Variants in ABCC1 observed in about 807,000 individuals in gnomAD.
ABCC1 encodes multidrug resistance-associated protein 1.
A neutral mutation model predicts 172.9 loss-of-function variants in ABCC1; 83 were observed. That is an observed-to-expected ratio of 0.48 (90% CI 0.40 to 0.58). The LOEUF (loss-of-function observed/expected upper bound fraction) is 0.58. ABCC1 is among the 20% of genes least tolerant of loss of function. The pLI is 0.00. For missense variants in ABCC1, 1,817 were observed against 2,002.7 expected (o/e 0.91, Z 1.77); for synonymous variants, 937 against 825.2 (o/e 1.14, Z -2.32).
intron 17 of ABCC1, among the ~76,000 whole-genome samples, chr16:16,084,452 C>G (rs2050930829): frequency 6.6e-6 from 1 of 150,448 alleles, no homozygotes; most frequent in African/African-American, 2.5e-5. Flanking sequence ...CAACCTCTGC[C>G]TCCTGAGTTC....
chr16:16,117,960 C>T (rs1379763423), intron 23 of ABCC1, among the ~76,000 whole-genome samples: 5 of 152,130 alleles, frequency 3.3e-5, no homozygotes, highest in African/African-American at 9.7e-5. Flanking sequence ...GGCAGTCAGT[C>T]GTCTCTGCTG....
At chr16:15,954,420 TG>T (rs1244749600) in intron 1 of ABCC1, among the ~76,000 whole-genome samples, 1 of 152,166 alleles carries the variant, frequency 6.6e-6, no homozygotes, top group South Asian at 2.1e-4. Flanking sequence ...TGTCAGATCT[TG>T]GGGGGCCCTC....
intron 26 of ABCC1, among the ~76,000 whole-genome samples, chr16:16,131,237 C>T (rs759460510): frequency 6.6e-6 from 1 of 152,188 alleles, no homozygotes; most frequent in South Asian, 2.1e-4. Context: ...GTCCATTGAG[C>T]CATTATCTGT....
chr16:15,968,195 C>T (rs1041045193), intron 1 of ABCC1, among the ~76,000 whole-genome samples: 6 of 151,932 alleles, frequency 3.9e-5, no homozygotes, highest in South Asian at 2.1e-4. Context: ...CCACCATGCC[C>T]GGCTAATTTT....
chr16:16,109,116 C>T (rs2052275828), intron 21 of ABCC1, among the ~76,000 whole-genome samples: 1 of 152,200 alleles, frequency 6.6e-6, no homozygotes, highest in Non-Finnish European at 1.5e-5. Context: ...GCCAGTTACA[C>T]ATCAGACCTG....
intron 14 of ABCC1, among the ~76,000 whole-genome samples, chr16:16,074,002 A>G (rs1282274884): frequency 6.6e-6 from 1 of 152,184 alleles, no homozygotes; most frequent in Admixed American, 6.5e-5. Flanking sequence ...TGCATAGAAG[A>G]TGATAAACAG....
rs921951653 is a variant in ABCC1 at position 16,029,442 on chromosome 16, C to T, written c.616-3667C>T. Among the ~76,000 whole-genome samples, 4 of 152,076 alleles carry T rather than the reference C, an allele frequency of 2.6e-5. No homozygotes were observed. The East Asian group carries it at 5.8e-4, about 22-fold the overall frequency. On this transcript the variant is annotated intron_variant, in intron 5 of 30. Transcript: ENST00000399410. ...CTTGCCATGTTGCCCAGACTGGTCT[C>T]GAACTCCTGAACTCAAAGCAGTTCT...
At chr16:16,051,971 CTGTAATCCCAGCTACT>C (rs45460094) in intron 10 of ABCC1, among the ~76,000 whole-genome samples, 21,044 of 152,142 alleles carry the variant, frequency 0.14, 1,526 homozygotes, top group Admixed American at 0.16. Flanking sequence ...TGGCTCGCGC[CTGTAATCCCAGCTACT>C]TGGGAGGCAG....
At chr16:16,093,300 G>C (rs757261820) in intron 19 of ABCC1, among the ~76,000 whole-genome samples, 1 of 151,952 alleles carries the variant, frequency 6.6e-6, no homozygotes, top group Non-Finnish European at 1.5e-5. Flanking sequence ...TTTGCCCAGC[G>C]TGAGGTCTGT....
intron 18 of ABCC1, among the ~76,000 whole-genome samples, chr16:16,089,336 C>T (rs1803688590): frequency 6.6e-6 from 1 of 152,014 alleles, no homozygotes; most frequent in South Asian, 2.1e-4. Flanking sequence ...CGCTTCAGTT[C>T]AGGAGTTCAA....
chr16:15,998,747 C>CCTTAAATGCTCTCTGGTTT (rs1469310328), intron 1 of ABCC1, among the ~76,000 whole-genome samples: 15 of 152,276 alleles, frequency 9.9e-5, no homozygotes, highest in African/African-American at 3.1e-4. Flanking sequence ...GTTCCGGTGT[C>CCTTAAATGCTCTCTGGTTT]CTTAAATGCT....
chr16:16,033,307 T>A lies in ABCC1; in HGVS notation c.677+137T>A, dbSNP rs1406075235. 8 of 824,438 alleles carry A rather than the reference T, an allele frequency of 9.7e-6. No individual in the cohort carries two copies. The South Asian group carries it at 1.3e-4, about 13-fold the overall frequency. 51.1% of individuals were successfully genotyped at this position (824,438 alleles called of 1,614,324 possible). A position where few individuals can be genotyped will look rare whatever the true frequency, so the allele number is the denominator to read the frequency against. On this transcript the variant is annotated intron_variant, in intron 6 of 30. Transcript: ENST00000399410. The stretch of plus-strand genomic sequence containing the variant: ...TCTGCAGAGTTGTCTTGAATCTGCC[T>A]GTGCTGGCCATGTGGTCTCAGAGAC...
chr16:16,141,054 C>T lies in ABCC1; in HGVS notation c.4488-119C>T, dbSNP rs903457275. ...ACCAGCTGGAAGGTACTGCACCAGT[C>T]CTAGCAAAAAGTGTTAGGGGCCTGA... is the stretch of plus-strand genomic sequence containing the variant. On this transcript the variant is annotated intron_variant, in intron 30 of 30. Coordinates refer to ENST00000399410, the MANE Select transcript of ABCC1 (RefSeq NM_004996.4). 6.3e-5 allele frequency: 49 copies of T among 772,926 alleles called. 1 individual carries two copies. The highest frequency in any genetic ancestry group is 2.2e-6 in the Non-Finnish European group (1 of 456,186). The allele number at this position is 772,926 out of a possible 1,614,324, so 47.9% of individuals were successfully genotyped here.
At chr16:16,048,566 C>T (rs1011914440) in intron 10 of ABCC1, among the ~76,000 whole-genome samples, 1 of 152,214 alleles carries the variant, frequency 6.6e-6, no homozygotes, top group African/African-American at 2.4e-5. Flanking sequence ...AACTACCCTA[C>T]AATGGACGAC....
At chr16:16,054,629 T>G (rs977920497) in intron 11 of ABCC1, among the ~76,000 whole-genome samples, 1 of 152,112 alleles carries the variant, frequency 6.6e-6, no homozygotes, top group East Asian at 1.9e-4. Context: ...GCAGGGGCTT[T>G]AGGATTGAGT....
chr16:16,078,478 G>C (rs55643173), intron 15 of ABCC1, among the ~76,000 whole-genome samples: 5,419 of 152,224 alleles, frequency 0.036, 131 homozygotes, highest in Non-Finnish European at 0.053. Context: ...CCCTTTGGTG[G>C]CTCCCGGCTG....
chr16:16,038,756 A>C (rs1305906113), intron 7 of ABCC1, among the ~76,000 whole-genome samples: 1 of 152,178 alleles, frequency 6.6e-6, no homozygotes, highest in East Asian at 1.9e-4. Flanking sequence ...CCCGCTAAGC[A>C]GGCCACATTT....
chr16:16,136,454 G>T, intron 28 of ABCC1, 24 bp from the exon 29 acceptor site: 1 of 1,611,910 alleles, frequency 6.2e-7, no homozygotes, highest in Non-Finnish European at 8.5e-7. Context: ...GTCACATGCC[G>T]TCCACTCTCT....
intron 24 of ABCC1, among the ~76,000 whole-genome samples, chr16:16,122,945 G>A (rs2045233084): frequency 6.6e-6 from 1 of 152,094 alleles, no homozygotes; most frequent in Non-Finnish European, 1.5e-5. Context: ...ACAGATAATA[G>A]CATCAATCCA....
Sources: gnomAD v4.1 joint callset for allele counts (sites outside exome capture counted in the v4.1 genomes callset) on GRCh38, gnomAD v4.1.1 for gene constraint, MANE v1.5 for transcripts, NCBI Gene and HGNC (gene_info 2026-07-23, HGNC 2026-07-21) for gene names.